The following TRMT44 variants were observed in gnomAD, a reference collection of about 807,000 sequenced individuals.
TRMT44 encodes the protein probable tRNA (uracil-O(2)-)-methyltransferase.
TRMT44 carries 78 observed loss-of-function variants against 77.3 expected under a neutral mutation model. The observed-to-expected ratio is 1.01, with a 90% confidence interval of 0.84 to 1.22. The LOEUF (loss-of-function observed/expected upper bound fraction) is 1.22. Among genes scored for constraint, TRMT44 ranks in the 50% most tolerant of loss-of-function variants. The pLI, the probability that TRMT44 is intolerant of heterozygous loss-of-function variation, is 0.00. For synonymous variants in TRMT44, 391 were observed against 383.3 expected, an observed-to-expected ratio of 1.02 and a Z score of -0.23; for missense variants, 1,090 against 964.4, an observed-to-expected ratio of 1.13 and a Z score of -1.73.
chr4:8,443,334 C>G (rs774147575), intron 1 of TRMT44, among the ~76,000 whole-genome samples: 1 of 152,192 alleles, frequency 6.6e-6, no homozygotes, highest in Non-Finnish European at 1.5e-5. Context: ...CTTTCTTCCT[C>G]TCAGGGAGGC....
At chr4:8,484,020 C>T (rs1441093695) in intron 2 of TRMT44, among the ~76,000 whole-genome samples, 1 of 152,104 alleles carries the variant, frequency 6.6e-6, no homozygotes, top group Non-Finnish European at 1.5e-5. Flanking sequence ...GCAGATGGAA[C>T]ACTGAGAAGT....
chr4:8,465,311 G>A (rs1276933427), intron 7 of TRMT44, 67 bp from the exon 8 acceptor site: 4 of 1,490,498 alleles, frequency 2.7e-6, no homozygotes, highest in Non-Finnish European at 3.6e-6. Context: ...GTGTGGCTTT[G>A]TTCCGAATTT....
chr4:8,456,678 A>G (rs1452171483), intron 6 of TRMT44, among the ~76,000 whole-genome samples: 2 of 152,266 alleles, frequency 1.3e-5, no homozygotes, highest in Non-Finnish European at 2.9e-5. Context: ...AGAAAAGCAT[A>G]CATACAGACT....
At chr4:8,482,671 C>T (rs576280069) in intron 2 of TRMT44, among the ~76,000 whole-genome samples, 15 of 152,282 alleles carry the variant, frequency 9.9e-5, no homozygotes, top group African/African-American at 3.4e-4. Flanking sequence ...GTAATGTCAT[C>T]ACTTAAGGCA....
the TRMT44 span, chr4:8,510,360 C>T: frequency 0.039 from 5,981 of 152,878 alleles, 351 homozygotes; most frequent in African/African-American, 0.13. Flanking sequence ...TGTCCCCCTT[C>T]GATGGAGCTC....
At chr4:8,450,759 G>A (rs572897066) in intron 3 of TRMT44, among the ~76,000 whole-genome samples, 2 of 145,984 alleles carry the variant, frequency 1.4e-5, no homozygotes, top group East Asian at 2.0e-4. Flanking sequence ...CTTCCTCCCC[G>A]TCCTAGGAGT....
chr4:8,500,365 A>C, the TRMT44 span, among the ~76,000 whole-genome samples: 2 of 151,392 alleles, frequency 1.3e-5, no homozygotes, highest in Non-Finnish European at 2.9e-5. Flanking sequence ...AGTGACGTGC[A>C]CCCATAATCG....
intron 2 of TRMT44, among the ~76,000 whole-genome samples, chr4:8,484,317 T>C (rs1727735340): frequency 6.6e-6 from 1 of 151,940 alleles, no homozygotes; most frequent in Non-Finnish European, 1.5e-5. Context: ...ACAATGGTGA[T>C]TGTGGGAGAC....
intron 2 of TRMT44, among the ~76,000 whole-genome samples, chr4:8,447,527 C>T (rs1247867152): frequency 6.6e-6 from 1 of 152,130 alleles, no homozygotes; most frequent in African/African-American, 2.4e-5. Context: ...AGAGCATGGG[C>T]TTCCCACTAG....
intron 1 of TRMT44, among the ~76,000 whole-genome samples, chr4:8,442,221 CTTA>C (rs1251279428): frequency 6.6e-6 from 1 of 152,194 alleles, no homozygotes; most frequent in Non-Finnish European, 1.5e-5. Context: ...CTTTCCACAA[CTTA>C]TTGTCTCATA....
At position 8,441,369 on chromosome 4, in the gene TRMT44, C is replaced by A. The variant is rs759333475; in HGVS notation, c.547C>A (p.Leu183Ile). Residue 183 changes from leucine (L) to isoleucine (I), a missense_variant, in exon 1 of 11, where the codon CTC becomes ATC. Leu to Ile is a conservative substitution (Grantham distance 5). Coordinates refer to ENST00000389737, the MANE Select transcript of TRMT44 (RefSeq NM_152544.3). ...PEAQRELDVV[L>I]RTVIPKTSPH... ...GGCGCAGCGTGAGCTCGACGTGGTT[C>A]TCAGAACCGTCATCCCGAAAACTAG... 2.6e-6 allele frequency: 4 copies of A among 1,533,388 alleles called. No individual in the cohort carries two copies. In the South Asian group the frequency reaches 4.8e-5, roughly 18 times the overall value. The allele number at this position is 1,533,388 out of a possible 1,614,324, so 95.0% of individuals were successfully genotyped here. A position where few individuals can be genotyped will look rare whatever the true frequency, so the allele number is the denominator to read the frequency against.
intron 9 of TRMT44, 151 bp from the exon 10 acceptor site, chr4:8,470,933 G>T (rs913367623): frequency 9.8e-6 from 6 of 610,862 alleles, no homozygotes; most frequent in African/African-American, 5.6e-5. Flanking sequence ...GTGCGGTGTG[G>T]TGTGGGTTAG....
At chr4:8,475,529 G>C (rs1727316613) in intron 10 of TRMT44, among the ~76,000 whole-genome samples, 1 of 152,168 alleles carries the variant, frequency 6.6e-6, no homozygotes, top group Non-Finnish European at 1.5e-5. Flanking sequence ...GGTCTGCGCA[G>C]GGCTGCCGCT....
chr4:8,473,826 C>T (rs1207965695), intron 10 of TRMT44, among the ~76,000 whole-genome samples: 1 of 152,102 alleles, frequency 6.6e-6, no homozygotes, highest in Non-Finnish European at 1.5e-5. Flanking sequence ...CAGATGGGGG[C>T]TCAGGTGTTA....
intron 1 of TRMT44, among the ~76,000 whole-genome samples, chr4:8,445,816 A>G (rs915269691): frequency 1.3e-5 from 2 of 152,190 alleles, no homozygotes; most frequent in Non-Finnish European, 2.9e-5. Context: ...TGTGAAGTGT[A>G]TATTCCTCTT....
At chr4:8,511,913 T>A in the TRMT44 span, 1 of 152,232 alleles carries the variant, frequency 6.6e-6, no homozygotes, top group African/African-American at 2.4e-5. Context: ...AGATAGTCAA[T>A]GATCGTGAAA....
intron 7 of TRMT44, among the ~76,000 whole-genome samples, chr4:8,464,543 G>A (rs942891150): frequency 6.6e-6 from 1 of 152,204 alleles, no homozygotes; most frequent in Non-Finnish European, 1.5e-5. Context: ...ACTTGGTCAC[G>A]AAGCAGGTTG....
At chr4:8,485,283 G>A (rs1184629917) in intron 2 of TRMT44, among the ~76,000 whole-genome samples, 1 of 152,210 alleles carries the variant, frequency 6.6e-6, no homozygotes, top group Non-Finnish European at 1.5e-5. Flanking sequence ...GGAATAGTGA[G>A]TTGTGGAGGG....
chr4:8,485,596 G>A (rs1306796469), intron 2 of TRMT44, among the ~76,000 whole-genome samples: 1 of 152,108 alleles, frequency 6.6e-6, no homozygotes, highest in East Asian at 1.9e-4. Context: ...GCCAGGGAAG[G>A]AGTAGAGATG....
Sources: allele counts gnomAD v4.1 joint callset (sites outside exome capture counted in the v4.1 genomes callset), GRCh38; gene constraint gnomAD v4.1.1; transcripts MANE v1.5; gene names NCBI Gene and HGNC (gene_info 2026-07-23, HGNC 2026-07-21).